Variants in ATP2B2 observed in about 807,000 individuals in gnomAD.
ATP2B2 encodes plasma membrane calcium-transporting ATPase 2.
A neutral mutation model predicts 120.0 loss-of-function variants in ATP2B2; 15 were observed. The observed-to-expected ratio is 0.12, with a 90% confidence interval of 0.08 to 0.19. The LOEUF (loss-of-function observed/expected upper bound fraction) is 0.19, where lower values mean the gene tolerates loss of function less well. Ranked by LOEUF, ATP2B2 falls within the 10% of genes least tolerant of loss-of-function variation. The probability of loss-of-function intolerance (pLI) is 1.00; values close to 1 mark genes in which losing one functional copy is unlikely to be tolerated. For missense variants in ATP2B2, 1,045 were observed against 1,719.8 expected (o/e 0.61, Z 6.94); for synonymous variants, 694 against 700.3 (o/e 0.99, Z 0.14).
At chr3:10,641,119 C>T (rs2070160011) in intron 1 of ATP2B2, among the ~76,000 whole-genome samples, 1 of 152,194 alleles carries the variant, frequency 6.6e-6, no homozygotes, top group Admixed American at 6.5e-5. Context: ...GAAGGAAACA[C>T]ACAGAGGACC....
chr3:10,341,063 G>T (rs188827924), intron 19 of ATP2B2, among the ~76,000 whole-genome samples: 1 of 152,128 alleles, frequency 6.6e-6, no homozygotes, highest in East Asian at 1.9e-4. Flanking sequence ...GGATACCTGC[G>T]GGAGGTTTTG....
chr3:10,372,377 T>C (rs1383615030), intron 11 of ATP2B2, among the ~76,000 whole-genome samples: 1 of 152,244 alleles, frequency 6.6e-6, no homozygotes, highest in South Asian at 2.1e-4. Flanking sequence ...GTTCCCTCTC[T>C]GAGTACTTTA....
chr3:10,356,151 T>TGC (rs1177127011), intron 14 of ATP2B2, among the ~76,000 whole-genome samples: 2 of 46,128 alleles, frequency 4.3e-5, no homozygotes, highest in African/African-American at 8.4e-5. Flanking sequence ...TTTGTGCGTG[T>TGC]GTGCGTGTGT....
chr3:10,470,307 C>T (rs1407711313), intron 1 of ATP2B2, among the ~76,000 whole-genome samples: 1 of 152,042 alleles, frequency 6.6e-6, no homozygotes, highest in Non-Finnish European at 1.5e-5. Context: ...GTTTTCATGC[C>T]CATTATATAG....
chr3:10,656,963 A>C (rs2880259), intron 1 of ATP2B2, among the ~76,000 whole-genome samples: 123,714 of 152,182 alleles, frequency 0.81, 50,894 homozygotes, highest in African/African-American at 0.95. Context: ...GGGAGCAGGG[A>C]AAGAGATGAG....
chr3:10,357,801 C>A (rs1245939931), intron 14 of ATP2B2, among the ~76,000 whole-genome samples: 2 of 152,168 alleles, frequency 1.3e-5, no homozygotes, highest in African/African-American at 4.8e-5. Context: ...ACAGTGTGAG[C>A]TGACTCACTC....
chr3:10,606,062 G>A (rs1012615567), intron 2 of ATP2B2, among the ~76,000 whole-genome samples: 7 of 152,060 alleles, frequency 4.6e-5, no homozygotes, highest in Admixed American at 3.3e-4. Context: ...AGGCTGCAGC[G>A]AGCTACGATT....
chr3:10,616,470 G>C (rs2069389554), intron 2 of ATP2B2, among the ~76,000 whole-genome samples: 1 of 152,164 alleles, frequency 6.6e-6, no homozygotes, highest in Admixed American at 6.5e-5. Context: ...AAGCCCTCCA[G>C]TCTGTGGCAC....
intron 1 of ATP2B2, among the ~76,000 whole-genome samples, chr3:10,494,172 G>A (rs757022959): frequency 6.6e-5 from 10 of 152,120 alleles, no homozygotes; most frequent in Non-Finnish European, 4.4e-5. Context: ...GGGGTCTATG[G>A]GGAAGGCTAG....
At chr3:10,628,171 G>A (rs2069759893) in intron 1 of ATP2B2, among the ~76,000 whole-genome samples, 2 of 152,240 alleles carry the variant, frequency 1.3e-5, no homozygotes, top group South Asian at 4.1e-4. Flanking sequence ...GACAACCCAG[G>A]GCCTCAGGGC....
At chr3:10,500,279 G>A (rs1463741525) in intron 1 of ATP2B2, among the ~76,000 whole-genome samples, 2 of 152,056 alleles carry the variant, frequency 1.3e-5, no homozygotes, top group African/African-American at 2.4e-5. Context: ...CCTGGTTTCT[G>A]TAATCCGGAA....
At chr3:10,489,329 T>G (rs2065848356) in intron 1 of ATP2B2, among the ~76,000 whole-genome samples, 2 of 152,342 alleles carry the variant, frequency 1.3e-5, no homozygotes, top group South Asian at 4.1e-4. Flanking sequence ...ACAGATCTGT[T>G]GTGTTCAGTG....
rs145875244 is a variant in ATP2B2 at position 10,685,198 on chromosome 3, C to T, written c.-460+22717G>A. 4.7e-3 allele frequency among the ~76,000 whole-genome samples: 709 copies of T among 152,330 alleles called. 4 individuals are homozygous for T. Among genetic ancestry groups the T allele is most frequent in the African/African-American group, 0.016 (655 of 41,568 alleles). On this transcript the variant is annotated intron_variant, in intron 1 of 21. Transcript: ENST00000646379. ...AGGATCAAATGAGGCACTCTGTAAA[C>T]GGCAAAGGCCTGAGGCTTGTTTTCC... is the stretch of plus-strand genomic sequence containing the variant.
intron 1 of ATP2B2, among the ~76,000 whole-genome samples, chr3:10,458,991 T>C (rs1350884327): frequency 1.3e-5 from 2 of 152,220 alleles, no homozygotes; most frequent in Non-Finnish European, 2.9e-5. Flanking sequence ...AGCCCCACCC[T>C]CAAGGATCCT....
At chr3:10,455,402 T>C (rs182451644) in intron 1 of ATP2B2, among the ~76,000 whole-genome samples, 328 of 152,330 alleles carry the variant, frequency 2.2e-3, no homozygotes, top group Admixed American at 4.0e-3. Context: ...ACTCTATGGC[T>C]GAGAGACTAA....
intron 2 of ATP2B2, among the ~76,000 whole-genome samples, chr3:10,599,549 C>G (rs11923676): frequency 0.01 from 1,556 of 152,272 alleles, 25 homozygotes; most frequent in African/African-American, 0.035. Context: ...ACCCTCAGCA[C>G]TGTCCAGCAT....
chr3:10,422,885 A>C (rs2063032799), intron 2 of ATP2B2, among the ~76,000 whole-genome samples: 1 of 152,244 alleles, frequency 6.6e-6, no homozygotes, highest in Non-Finnish European at 1.5e-5. Flanking sequence ...AGTCAGGCTG[A>C]GTTCCCACTC....
At chr3:10,576,204 G>T (rs2068242598) in intron 2 of ATP2B2, among the ~76,000 whole-genome samples, 1 of 152,148 alleles carries the variant, frequency 6.6e-6, no homozygotes. Flanking sequence ...GATGGACCTG[G>T]CACCAGAAAA....
intron 2 of ATP2B2, among the ~76,000 whole-genome samples, chr3:10,548,357 C>A (rs181687746): frequency 1.3e-5 from 2 of 152,328 alleles, no homozygotes; most frequent in African/African-American, 4.8e-5. Context: ...TGGTTTGATA[C>A]CACACACAGC....
Sources: allele counts gnomAD v4.1 joint callset (sites outside exome capture counted in the v4.1 genomes callset), GRCh38; gene constraint gnomAD v4.1.1; transcripts MANE v1.5; gene names NCBI Gene and HGNC (gene_info 2026-07-23, HGNC 2026-07-21).